The following SOX6 variants were observed in gnomAD, a reference collection of about 807,000 sequenced individuals.
SOX6 encodes SRY-box transcription factor 6, also known as transcription factor SOX-6.
SOX6 carries 11 observed loss-of-function variants against 97.8 expected under a neutral mutation model. The ratio of observed to expected loss-of-function variants is 0.11; its 90% CI spans 0.07 to 0.19. SOX6 has a LOEUF of 0.19. SOX6 is among the 10% of genes least tolerant of loss of function. SOX6 has a pLI of 1.00. For missense variants in SOX6, 810 were observed against 1,039.5 expected (o/e 0.78, Z 3.04); for synonymous variants, 360 against 371.4 (o/e 0.97, Z 0.35).
chr11:16,714,833 A>C (rs1310307880), exon 3 of SOX6: 1 of 152,134 alleles, frequency 6.6e-6, no homozygotes, highest in Non-Finnish European at 1.5e-5. Flanking sequence ...AAATTACCTC[A>C]GTATATATTG....
At chr11:16,175,346 C>T (rs1035766228) in intron 6 of SOX6, among the ~76,000 whole-genome samples, 1 of 151,834 alleles carries the variant, frequency 6.6e-6, no homozygotes, top group African/African-American at 2.4e-5. Context: ...TATCTCAAAG[C>T]TACTGTAAGG....
chr11:16,019,037 G>T (rs1479639501), intron 12 of SOX6, among the ~76,000 whole-genome samples: 1 of 152,060 alleles, frequency 6.6e-6, no homozygotes, highest in Non-Finnish European at 1.5e-5. Context: ...ATAACAGTTT[G>T]CTTGCCAGAG....
chr11:16,172,234 C>A (rs945207855), intron 6 of SOX6, among the ~76,000 whole-genome samples: 8 of 151,956 alleles, frequency 5.3e-5, no homozygotes, highest in Non-Finnish European at 1.0e-4. Context: ...AAAGGATATG[C>A]AGTAATTTCC....
chr11:15,994,893 C>A (rs1017696898), intron 13 of SOX6, among the ~76,000 whole-genome samples: 1 of 151,978 alleles, frequency 6.6e-6, no homozygotes, highest in African/African-American at 2.4e-5. Flanking sequence ...TGAGAGCTAC[C>A]AAAATTAAAC....
At chr11:16,266,853 C>T (rs1854096402) in intron 3 of SOX6, among the ~76,000 whole-genome samples, 1 of 151,336 alleles carries the variant, frequency 6.6e-6, no homozygotes, top group Admixed American at 6.6e-5. Flanking sequence ...AAATAACAGA[C>T]TGTATCATGC....
chr11:16,288,282 T>C (rs1391643764), intron 3 of SOX6, among the ~76,000 whole-genome samples: 2 of 151,840 alleles, frequency 1.3e-5, no homozygotes, highest in African/African-American at 4.9e-5. Context: ...TTTGAGTTTA[T>C]AGTTATCCTA....
chr11:16,318,805 A>G, intron 2 of SOX6, 152 bp from the exon 3 acceptor site: 1 of 596,262 alleles, frequency 1.7e-6, no homozygotes, highest in Non-Finnish European at 2.9e-6. Flanking sequence ...TTAGTAGGAC[A>G]AATAAAAAAT....
intron 3 of SOX6, among the ~76,000 whole-genome samples, chr11:16,687,100 G>A (rs1259466107): frequency 1.3e-5 from 2 of 152,158 alleles, no homozygotes; most frequent in East Asian, 3.8e-4. Flanking sequence ...ACTCCAGCCT[G>A]GACAACAGAA....
intron 13 of SOX6, among the ~76,000 whole-genome samples, chr11:16,014,574 T>C (rs1278430052): frequency 1.3e-5 from 2 of 152,068 alleles, no homozygotes; most frequent in Non-Finnish European, 2.9e-5. Flanking sequence ...GATAAAATAA[T>C]ATTTAAAAGT....
intron 9 of SOX6, among the ~76,000 whole-genome samples, chr11:16,079,778 A>G (rs1312254739): frequency 6.6e-6 from 1 of 152,142 alleles, no homozygotes; most frequent in Non-Finnish European, 1.5e-5. Context: ...TAAACTGCAA[A>G]TTATTAGTAC....
At chr11:16,059,103 A>G (rs922499235) in intron 9 of SOX6, among the ~76,000 whole-genome samples, 49 of 152,186 alleles carry the variant, frequency 3.2e-4, no homozygotes, top group Non-Finnish European at 4.6e-4. Context: ...TTACTAAGAC[A>G]GTTATAACTC....
At chr11:16,675,498 A>G (rs1847877849) in intron 3 of SOX6, among the ~76,000 whole-genome samples, 1 of 152,236 alleles carries the variant, frequency 6.6e-6, no homozygotes, top group Non-Finnish European at 1.5e-5. Flanking sequence ...AAAAGTTTAG[A>G]AAAAAGAGAA....
chr11:16,382,409 G>A (rs368691328), intron 1 of SOX6: 2 of 151,936 alleles, frequency 1.3e-5, no homozygotes, highest in South Asian at 2.1e-4. Context: ...ACCCTTCCAC[G>A]AAGGAAACAT....
chr11:16,541,643 A>T (rs540244418), intron 4 of SOX6, among the ~76,000 whole-genome samples: 1 of 152,326 alleles, frequency 6.6e-6, no homozygotes, highest in South Asian at 2.1e-4. Flanking sequence ...CCTATCAAAA[A>T]GTGGGCAAAG....
At chr11:15,977,950 G>A (rs954891753) in intron 15 of SOX6, among the ~76,000 whole-genome samples, 7 of 151,956 alleles carry the variant, frequency 4.6e-5, no homozygotes, top group Admixed American at 1.3e-4. Flanking sequence ...CACGTTGACT[G>A]GCCTCCCTGT....
chr11:16,100,069 T>A (rs954814137), intron 7 of SOX6, among the ~76,000 whole-genome samples: 1 of 151,548 alleles, frequency 6.6e-6, no homozygotes, highest in African/African-American at 2.4e-5. Flanking sequence ...AAGAAAAATT[T>A]AAGAGGGAGA....
At chr11:16,544,223 G>A (rs1469270564) in intron 4 of SOX6, among the ~76,000 whole-genome samples, 1 of 152,068 alleles carries the variant, frequency 6.6e-6, no homozygotes, top group Admixed American at 6.6e-5. Flanking sequence ...GAGAAATGGT[G>A]AGTGACTGCT....
intron 1 of SOX6, among the ~76,000 whole-genome samples, chr11:16,447,215 T>G (rs1211299355): frequency 6.6e-6 from 1 of 152,174 alleles, no homozygotes; most frequent in Non-Finnish European, 1.5e-5. Context: ...AAAAATTAAG[T>G]AATTTTTAAG....
intron 4 of SOX6, among the ~76,000 whole-genome samples, chr11:16,200,330 G>A (rs1302356554): frequency 6.6e-6 from 1 of 152,088 alleles, no homozygotes; most frequent in African/African-American, 2.4e-5. Flanking sequence ...ACTTTCTACA[G>A]TTTAAGAAAT....
Sources: gnomAD v4.1 joint callset for allele counts (sites outside exome capture counted in the v4.1 genomes callset) on GRCh38, gnomAD v4.1.1 for gene constraint, MANE v1.5 for transcripts, NCBI Gene and HGNC (gene_info 2026-07-23, HGNC 2026-07-21) for gene names.